The following SP140L variants were observed in gnomAD, a reference collection of about 807,000 sequenced individuals.
SP140L encodes nuclear body protein SP140-like protein.
In SP140L, 64 loss-of-function variants were observed where a neutral mutation model predicts 84.3. The observed-to-expected ratio is 0.76, with a 90% CI of 0.62 to 0.94. SP140L has a LOEUF of 0.94. Ranked by LOEUF, SP140L falls within the 40% of genes least tolerant of loss-of-function variation. The pLI is 0.00. For synonymous variants in SP140L, 242 were observed against 236.9 expected (o/e 1.02, Z -0.20); for missense variants, 628 against 692.5 (o/e 0.91, Z 1.05).
At chr2:230,384,884 T>C (rs1452351261) in intron 8 of SP140L, among the ~76,000 whole-genome samples, 1 of 152,074 alleles carries the variant, frequency 6.6e-6, no homozygotes, top group Non-Finnish European at 1.5e-5. Flanking sequence ...TGCACTCCAG[T>C]CTGGGAGGCA....
intron 2 of SP140L, among the ~76,000 whole-genome samples, chr2:230,336,200 T>C (rs1360759298): frequency 6.6e-6 from 1 of 152,186 alleles, no homozygotes; most frequent in East Asian, 1.9e-4. Flanking sequence ...GGAAGTCTTA[T>C]AGTAATAGGG....
intron 7 of SP140L, among the ~76,000 whole-genome samples, chr2:230,376,037 A>G (rs1268506528): frequency 2.0e-5 from 3 of 152,064 alleles, no homozygotes; most frequent in Admixed American, 2.0e-4. Context: ...TTATGGTTTC[A>G]TGTTTGACAT....
intron 4 of SP140L, among the ~76,000 whole-genome samples, chr2:230,359,471 T>C (rs1263417870): frequency 6.6e-6 from 1 of 152,186 alleles, no homozygotes; most frequent in East Asian, 1.9e-4. Flanking sequence ...TACACAGCAG[T>C]CCACTAAATT....
At chr2:230,397,189 G>A (rs1220603174) in intron 14 of SP140L, among the ~76,000 whole-genome samples, 2 of 152,172 alleles carry the variant, frequency 1.3e-5, no homozygotes, top group South Asian at 2.1e-4. Context: ...TAAGGGGTAT[G>A]GATGAAAGGG....
chr2:230,344,310 T>C, intron 2 of SP140L, among the ~76,000 whole-genome samples: 1 of 152,366 alleles, frequency 6.6e-6, no homozygotes, highest in East Asian at 1.9e-4. Flanking sequence ...TAGTTTAAAG[T>C]CTGTTCTGTC....
intron 7 of SP140L, among the ~76,000 whole-genome samples, chr2:230,380,915 A>G (rs1472114426): frequency 6.6e-6 from 1 of 152,104 alleles, no homozygotes; most frequent in Non-Finnish European, 1.5e-5. Flanking sequence ...TTTTGCTATT[A>G]GGAAAACTCT....
chr2:230,355,415 A>G (rs1434563350), intron 2 of SP140L, among the ~76,000 whole-genome samples: 3 of 152,196 alleles, frequency 2.0e-5, no homozygotes, highest in African/African-American at 4.8e-5. Context: ...AAATTAATCT[A>G]AATAAGTGGA....
chr2:230,383,407 G>A (rs2061470570), intron 7 of SP140L, 103 bp from the exon 8 acceptor site: 14 of 1,283,182 alleles, frequency 1.1e-5, no homozygotes, highest in Non-Finnish European at 1.5e-5. Flanking sequence ...CCCCATTCCT[G>A]TGGACCAAAG....
chr2:230,395,810 C>T (rs563608922), intron 13 of SP140L, among the ~76,000 whole-genome samples: 21 of 152,262 alleles, frequency 1.4e-4, no homozygotes, highest in African/African-American at 3.9e-4. Flanking sequence ...AATGGATATC[C>T]AAAAGCAATC....
chr2:230,331,557 T>C (rs2149672851), intron 2 of SP140L, among the ~76,000 whole-genome samples: 1 of 152,342 alleles, frequency 6.6e-6, no homozygotes, highest in South Asian at 2.1e-4. Flanking sequence ...GGGATTCAAC[T>C]GAGAGACACT....
Position 230,400,504 on chromosome 2 carries a change from C to G in SP140L, c.1313+262C>G, listed in dbSNP as rs541545422. On this transcript the variant is annotated intron_variant, in intron 15 of 18. Transcript: ENST00000415673. ...TGCCTACATACTGGTATTGTCCTTT[C>G]CTTGAAGTTTTGCAGTAGGGTCTCC... 1.6e-5 allele frequency: 8 copies of G among 496,834 alleles called. 1 individual carries two copies. The South Asian group carries it at 1.9e-4, about 12-fold the overall frequency. 30.8% of individuals were successfully genotyped at this position (496,834 alleles called of 1,614,324 possible).
chr2:230,359,952 C>CTAAAGTTTGGTATTGGTGCTATACCAAAA, intron 4 of SP140L, among the ~76,000 whole-genome samples: 1 of 131,660 alleles, frequency 7.6e-6, no homozygotes, highest in African/African-American at 3.5e-5. Context: ...CTATACCAAA[C>CTAAAGTTTGGTATTGGTGCTATACCAAAA]TAAAGTTTGG....
At chr2:230,345,587 T>C (rs1469954049) in intron 2 of SP140L, among the ~76,000 whole-genome samples, 5 of 152,036 alleles carry the variant, frequency 3.3e-5, no homozygotes, top group African/African-American at 9.7e-5. Context: ...TAGTTCTTTT[T>C]TTTTTTTCCT....
At chr2:230,399,791 T>C (rs72495182) in intron 14 of SP140L, 48,903 of 186,574 alleles carry the variant, frequency 0.26, 6,993 homozygotes, top group Non-Finnish European at 0.3. Context: ...GATTTAACAC[T>C]TTACTTCAAA....
At chr2:230,342,082 TC>T (rs2149695274) in intron 2 of SP140L, 2 of 164,564 alleles carry the variant, frequency 1.2e-5, no homozygotes, top group South Asian at 1.8e-4. Flanking sequence ...CGGGCGCCCC[TC>T]CCCCAGCGTC....
At chr2:230,357,421 G>GCA (rs2060581442) in intron 2 of SP140L, among the ~76,000 whole-genome samples, 1 of 151,918 alleles carries the variant, frequency 6.6e-6, no homozygotes, top group African/African-American at 2.4e-5. Flanking sequence ...CATTTTCAAG[G>GCA]TTAGATTTTT....
intron 13 of SP140L, among the ~76,000 whole-genome samples, chr2:230,394,838 TCACTATCAGTGC>T (rs1190357524): frequency 6.6e-6 from 1 of 152,228 alleles, no homozygotes; most frequent in Non-Finnish European, 1.5e-5. Context: ...AACTTCAGTG[TCACTATCAGTGC>T]CACATGATAA....
intron 13 of SP140L, among the ~76,000 whole-genome samples, chr2:230,394,105 A>G (rs1275451330): frequency 6.6e-6 from 1 of 152,234 alleles, no homozygotes; most frequent in East Asian, 1.9e-4. Flanking sequence ...AGGCAAACGT[A>G]TTTTACAGGA....
At chr2:230,376,946 C>A (rs924130055) in intron 7 of SP140L, among the ~76,000 whole-genome samples, 1 of 152,072 alleles carries the variant, frequency 6.6e-6, no homozygotes, top group South Asian at 2.1e-4. Context: ...ATAAGGGCAC[C>A]AACAATAGGA....
Sources: gnomAD v4.1 joint callset for allele counts (sites outside exome capture counted in the v4.1 genomes callset) on GRCh38, gnomAD v4.1.1 for gene constraint, MANE v1.5 for transcripts, NCBI Gene and HGNC (gene_info 2026-07-23, HGNC 2026-07-21) for gene names.